STRBP: variants seen among roughly 807,000 people sequenced by gnomAD.
STRBP encodes the protein spermatid perinuclear RNA binding protein.
In STRBP, 13 loss-of-function variants were observed where a neutral mutation model predicts 80.1. The observed-to-expected ratio is 0.16, with a 90% CI of 0.11 to 0.26. STRBP has a LOEUF of 0.26. STRBP is among the 10% of genes least tolerant of loss of function. STRBP has a pLI of 1.00. For missense variants in STRBP, 485 were observed against 815.2 expected, an observed-to-expected ratio of 0.59 and a Z score of 4.93; for synonymous variants, 284 against 291.2, an observed-to-expected ratio of 0.98 and a Z score of 0.25.
intron 1 of STRBP, among the ~76,000 whole-genome samples, chr9:123,266,179 G>A (rs1175339568): frequency 2.0e-5 from 3 of 152,160 alleles, no homozygotes; most frequent in African/African-American, 4.8e-5. Context: ...CTCTTGGTGC[G>A]CTCCTCGTGA....
At chr9:123,166,275 CG>C (rs934705477) in intron 6 of STRBP, among the ~76,000 whole-genome samples, 2 of 152,158 alleles carry the variant, frequency 1.3e-5, no homozygotes, top group African/African-American at 4.8e-5. Flanking sequence ...TTCACTGTTA[CG>C]GCAGTTTGAG....
chr9:123,160,300 C>A, intron 8 of STRBP, 67 bp downstream of exon 8: 2 of 1,173,132 alleles, frequency 1.7e-6, no homozygotes, highest in South Asian at 1.8e-5. Flanking sequence ...AAAGTAACAT[C>A]TCATTTCTAC....
intron 18 of STRBP, among the ~76,000 whole-genome samples, chr9:123,127,470 G>A (rs1466428180): frequency 6.6e-6 from 1 of 152,194 alleles, no homozygotes; most frequent in African/African-American, 2.4e-5. Context: ...TCTATAACAT[G>A]TAGCACCTGA....
At chr9:123,194,147 A>C (rs762821524) in intron 2 of STRBP, among the ~76,000 whole-genome samples, 1 of 152,130 alleles carries the variant, frequency 6.6e-6, no homozygotes, top group Non-Finnish European at 1.5e-5. Context: ...TCACTCTCCT[A>C]ATGATTTTCT....
intron 1 of STRBP, among the ~76,000 whole-genome samples, chr9:123,248,561 C>T (rs1163127916): frequency 3.9e-5 from 6 of 151,982 alleles, no homozygotes; most frequent in Admixed American, 2.6e-4. Context: ...TGAGCCACCG[C>T]GCCCAGCCGA....
intron 6 of STRBP, among the ~76,000 whole-genome samples, chr9:123,167,849 AC>A (rs2037835766): frequency 6.6e-6 from 1 of 152,176 alleles, no homozygotes; most frequent in Non-Finnish European, 1.5e-5. Flanking sequence ...TAGCAAGAGT[AC>A]AATATACTAA....
At chr9:123,158,202 C>G in intron 10 of STRBP, 79 bp from the exon 11 acceptor site, 1 of 1,477,472 alleles carries the variant, frequency 6.8e-7, no homozygotes, top group African/African-American at 1.4e-5. Context: ...TAAAAAGACA[C>G]TCATAAATTC....
chr9:123,259,063 A>G (rs1184079361), intron 1 of STRBP, among the ~76,000 whole-genome samples: 1 of 125,122 alleles, frequency 8.0e-6, no homozygotes, highest in Non-Finnish European at 1.6e-5. Flanking sequence ...AGGAAAGGGC[A>G]AAAAAAAAAA....
chr9:123,264,958 T>C (rs2041237677), intron 1 of STRBP, among the ~76,000 whole-genome samples: 1 of 152,210 alleles, frequency 6.6e-6, no homozygotes, highest in South Asian at 2.1e-4. Flanking sequence ...TCTATTCATC[T>C]TATATCCTAC....
At chr9:123,116,564 CT>C (rs2035648994) in intron 2 of STRBP, among the ~76,000 whole-genome samples, 1 of 152,166 alleles carries the variant, frequency 6.6e-6, no homozygotes, top group Admixed American at 6.5e-5. Flanking sequence ...CCCAGAAAGT[CT>C]GGATTTTAGG....
chr9:123,265,602 C>G (rs1056986058), intron 1 of STRBP, among the ~76,000 whole-genome samples: 6 of 152,300 alleles, frequency 3.9e-5, no homozygotes, highest in Non-Finnish European at 8.8e-5. Flanking sequence ...TTGCTTAATC[C>G]TTTCAAACCC....
At chr9:123,225,435 T>A (rs1473196359) in intron 2 of STRBP, among the ~76,000 whole-genome samples, 1 of 152,128 alleles carries the variant, frequency 6.6e-6, no homozygotes, top group South Asian at 2.1e-4. Flanking sequence ...CCTCTGGAGG[T>A]TGTGGTATAC....
At chr9:123,197,979 T>C (rs1052283045) in intron 2 of STRBP, among the ~76,000 whole-genome samples, 5 of 151,942 alleles carry the variant, frequency 3.3e-5, no homozygotes, top group South Asian at 2.1e-4. Flanking sequence ...TGGCTCTGTC[T>C]TTTTAATAAT....
At chr9:123,150,777 G>A (rs1352428524) in intron 11 of STRBP, among the ~76,000 whole-genome samples, 1 of 152,024 alleles carries the variant, frequency 6.6e-6, no homozygotes, top group African/African-American at 2.4e-5. Context: ...AAGCAGAGAA[G>A]GGCTGGTGAA....
At chr9:123,117,500 C>T (rs1303019234), downstream of STRBP, among the ~76,000 whole-genome samples, 1 of 152,214 alleles carries the variant, frequency 6.6e-6, no homozygotes, top group Non-Finnish European at 1.5e-5. Context: ...CCAAGCAGGG[C>T]TTACCATACA....
intron 1 of STRBP, among the ~76,000 whole-genome samples, chr9:123,251,011 T>C (rs934113073): frequency 2.0e-5 from 3 of 152,074 alleles, no homozygotes; most frequent in African/African-American, 7.2e-5. Context: ...CCTGTAATCC[T>C]AACTACTTGT....
At chr9:123,187,472 G>A (rs780383158) in intron 2 of STRBP, among the ~76,000 whole-genome samples, 1 of 151,830 alleles carries the variant, frequency 6.6e-6, no homozygotes, top group African/African-American at 2.4e-5. Flanking sequence ...AAATGGTTTC[G>A]GGAAAAAAAC....
At chr9:123,133,833 C>T (rs1250869097) in intron 16 of STRBP, among the ~76,000 whole-genome samples, 2 of 152,076 alleles carry the variant, frequency 1.3e-5, no homozygotes, top group East Asian at 3.9e-4. Flanking sequence ...TGAGCCACCG[C>T]ACCTGGCCCC....
intron 2 of STRBP, among the ~76,000 whole-genome samples, chr9:123,187,603 G>A (rs905389848): frequency 2.0e-5 from 3 of 152,134 alleles, no homozygotes; most frequent in Non-Finnish European, 4.4e-5. Flanking sequence ...AACAGCTTAC[G>A]CAGAAGGTGG....
Sources: allele counts gnomAD v4.1 joint callset (sites outside exome capture counted in the v4.1 genomes callset), GRCh38; gene constraint gnomAD v4.1.1; transcripts MANE v1.5; gene names NCBI Gene and HGNC (gene_info 2026-07-23, HGNC 2026-07-21).